Variants in XYLT1 observed in about 807,000 individuals in gnomAD.
XYLT1 encodes the protein xylosyltransferase 1.
XYLT1 carries 36 observed loss-of-function variants against 91.3 expected under a neutral mutation model. That is an observed-to-expected ratio of 0.39 (90% CI 0.30 to 0.52). The LOEUF is 0.52. Among genes scored for constraint, XYLT1 ranks in the 20% least tolerant of loss-of-function variants. The pLI, the probability that XYLT1 is intolerant of heterozygous loss-of-function variation, is 0.68. For synonymous variants in XYLT1, 588 were observed against 532.0 expected (o/e 1.11, Z -1.45); for missense variants, 1,242 against 1,284.5 (o/e 0.97, Z 0.51).
chr16:17,141,377 G>A lies in XYLT1; in HGVS notation c.1371-8C>T, dbSNP rs1266640736. 2 of 1,613,000 alleles carry A rather than the reference G, an allele frequency of 1.2e-6. No homozygotes were observed. The highest frequency in any genetic ancestry group is 8.5e-7 in the Non-Finnish European group (1 of 1,179,278). On this transcript the variant is annotated splice_region_variant and splice_polypyrimidine_tract_variant and intron_variant, in intron 6 of 11. Transcript: ENST00000261381. ...CCCTGCTTCCGAATGAACCTGGGAG[G>A]GAGAAAGCTGCCCTTAGCCCAGAGG...
chr16:17,213,303 T>C (rs768708620), intron 3 of XYLT1, among the ~76,000 whole-genome samples: 1 of 152,214 alleles, frequency 6.6e-6, no homozygotes, highest in Non-Finnish European at 1.5e-5. Context: ...GAAGCCTTGA[T>C]GTTTCCTGTA....
intron 2 of XYLT1, among the ~76,000 whole-genome samples, chr16:17,345,260 A>G (rs538062448): frequency 7.2e-5 from 11 of 152,370 alleles, no homozygotes; most frequent in Admixed American, 2.6e-4. Flanking sequence ...CTTGCTCTTG[A>G]GACAAGCACC....
At chr16:17,314,963 G>A (rs1388778231) in intron 2 of XYLT1, among the ~76,000 whole-genome samples, 1 of 152,186 alleles carries the variant, frequency 6.6e-6, no homozygotes. Flanking sequence ...CAGCCTGGTG[G>A]GCCAAGGTCA....
intron 10 of XYLT1, among the ~76,000 whole-genome samples, chr16:17,125,094 G>A (rs947393895): frequency 5.3e-5 from 8 of 152,074 alleles, no homozygotes; most frequent in African/African-American, 1.9e-4. Context: ...GTAATTCAGA[G>A]ATTTCTTCTT....
chr16:17,403,881 T>C (rs1321975192), intron 1 of XYLT1, among the ~76,000 whole-genome samples: 2 of 152,218 alleles, frequency 1.3e-5, no homozygotes, highest in Non-Finnish European at 2.9e-5. Flanking sequence ...CTCAGGTTCA[T>C]AAGGGCTAGA....
At chr16:17,461,552 A>G (rs933680959) in intron 1 of XYLT1, among the ~76,000 whole-genome samples, 7 of 152,202 alleles carry the variant, frequency 4.6e-5, no homozygotes, top group African/African-American at 1.7e-4. Context: ...TCGATGGGTA[A>G]ATGGATGGAC....
intron 6 of XYLT1, 88 bp downstream of exon 6, chr16:17,158,741 G>GCTGCATGA: frequency 7.0e-7 from 1 of 1,419,378 alleles, no homozygotes; most frequent in South Asian, 1.2e-5. Context: ...CCTTTCTGTG[G>GCTGCATGA]CTGCATGAAA....
intron 1 of XYLT1, among the ~76,000 whole-genome samples, chr16:17,395,213 C>T (rs2035868565): frequency 1.3e-5 from 2 of 152,132 alleles, no homozygotes; most frequent in Non-Finnish European, 1.5e-5. Flanking sequence ...ATCATGAGAA[C>T]AGCATGGGGA....
At chr16:17,117,546 G>T in intron 11 of XYLT1, 100 bp downstream of exon 11, 1 of 1,313,668 alleles carries the variant, frequency 7.6e-7, no homozygotes, top group Non-Finnish European at 1.0e-6. Flanking sequence ...TGAGGCCGCT[G>T]CTTACCCTAT....
intron 1 of XYLT1, among the ~76,000 whole-genome samples, chr16:17,411,328 C>T (rs1317216088): frequency 6.6e-6 from 1 of 152,116 alleles, no homozygotes; most frequent in African/African-American, 2.4e-5. Context: ...TCTTCATAAG[C>T]TGCCATTAAA....
intron 3 of XYLT1, among the ~76,000 whole-genome samples, chr16:17,257,699 G>A (rs2033655720): frequency 6.6e-6 from 1 of 152,158 alleles, no homozygotes; most frequent in Non-Finnish European, 1.5e-5. Flanking sequence ...TGCCATAACA[G>A]TAAGCTTGTA....
At chr16:17,206,296 G>A (rs904689530) in intron 3 of XYLT1, among the ~76,000 whole-genome samples, 3 of 152,144 alleles carry the variant, frequency 2.0e-5, no homozygotes, top group African/African-American at 4.8e-5. Context: ...ATCTGGGTGG[G>A]AGATGCCTTT....
At chr16:17,462,882 GGT>G in intron 1 of XYLT1, among the ~76,000 whole-genome samples, 1 of 152,062 alleles carries the variant, frequency 6.6e-6, no homozygotes. Context: ...GCACAAAGAG[GGT>G]TTAGAACAGT....
chr16:17,110,152 A>G (rs866333675), intron 11 of XYLT1, among the ~76,000 whole-genome samples: 3 of 152,210 alleles, frequency 2.0e-5, no homozygotes, highest in African/African-American at 7.2e-5. Context: ...TTCTTCATCA[A>G]TAAAATGGGT....
intron 2 of XYLT1, among the ~76,000 whole-genome samples, chr16:17,285,948 G>C (rs1013946308): frequency 4.0e-5 from 6 of 151,874 alleles, no homozygotes; most frequent in African/African-American, 1.5e-4. Context: ...GTGAGAGAGA[G>C]AGAGAAAGAG....
intron 1 of XYLT1, among the ~76,000 whole-genome samples, chr16:17,411,486 A>G (rs920720729): frequency 6.6e-6 from 1 of 152,162 alleles, no homozygotes; most frequent in African/African-American, 2.4e-5. Context: ...AATTGCTTAG[A>G]CGGTATTCTC....
chr16:17,271,742 A>G (rs151268041), intron 2 of XYLT1, among the ~76,000 whole-genome samples: 7 of 152,184 alleles, frequency 4.6e-5, no homozygotes, highest in Non-Finnish European at 8.8e-5. Context: ...GTGGGGCAAA[A>G]TCACCTTCCC....
chr16:17,297,175 C>A (rs768212339), intron 2 of XYLT1, among the ~76,000 whole-genome samples: 1 of 152,120 alleles, frequency 6.6e-6, no homozygotes, highest in Non-Finnish European at 1.5e-5. Context: ...GGAAATGAAT[C>A]CCCTTTCCAT....
At chr16:17,223,401 G>A (rs955380417) in intron 3 of XYLT1, among the ~76,000 whole-genome samples, 2 of 152,256 alleles carry the variant, frequency 1.3e-5, no homozygotes, top group Admixed American at 6.5e-5. Context: ...TCAAAACCAC[G>A]TCTGCTTTAT....
Sources: allele counts gnomAD v4.1 joint callset (sites outside exome capture counted in the v4.1 genomes callset), GRCh38; gene constraint gnomAD v4.1.1; transcripts MANE v1.5; gene names NCBI Gene and HGNC (gene_info 2026-07-23, HGNC 2026-07-21).